The following HEYL variants were observed in gnomAD, a reference collection of about 807,000 sequenced individuals.
HEYL encodes the protein hes related family bHLH transcription factor with YRPW motif like.
HEYL carries 12 observed loss-of-function variants against 18.6 expected under a neutral mutation model. The ratio of observed to expected loss-of-function variants is 0.65; its 90% confidence interval spans 0.41 to 1.05. HEYL has a LOEUF of 1.05. HEYL is among the 50% of genes least tolerant of loss of function. The probability of loss-of-function intolerance (pLI) is 0.00; values close to 1 mark genes in which losing one functional copy is unlikely to be tolerated. For missense variants in HEYL, 420 were observed against 444.7 expected (o/e 0.94, Z 0.50); for synonymous variants, 159 against 179.6 (o/e 0.89, Z 0.91).
At chr1:39,632,302 G>GA (rs1350002390) in intron 2 of HEYL, among the ~76,000 whole-genome samples, 2 of 152,270 alleles carry the variant, frequency 1.3e-5, no homozygotes, top group African/African-American at 4.8e-5. Flanking sequence ...TGAGGGGGAT[G>GA]AAAGTTCTGG....
At chr1:39,636,065 C>A (rs1646361163) in intron 1 of HEYL, among the ~76,000 whole-genome samples, 1 of 152,188 alleles carries the variant, frequency 6.6e-6, no homozygotes, top group African/African-American at 2.4e-5. Flanking sequence ...GGAACTCCCC[C>A]GTGGAACCCT....
At position 39,627,025 on chromosome 1, in the gene HEYL, C is replaced by T. The variant is rs139355861; in HGVS notation, c.469G>A (p.Ala157Thr). 9.3e-6 allele frequency: 15 copies of T among 1,614,128 alleles called. No individual in the cohort carries two copies. Among genetic ancestry groups the T allele is most frequent in the Admixed American group, 3.3e-5 (2 of 60,030 alleles). Reference sequence around the variant, plus strand: ...GTGGGCGAAGGCTCCATCTCGGCTGCGTAGCTGTTGAGGTGGGAGAGAAGG... The same window carrying T: ...GTGGGCGAAGGCTCCATCTCGGCTGTGTAGCTGTTGAGGTGGGAGAGAAGG... ...IRLLSHLNSY[A>T]AEMEPSPTPT... The change falls in exon 5 of 5, where the codon GCA becomes ACA. Residue 157 changes from alanine to threonine, a missense_variant. Ala to Thr is a moderately conservative substitution (Grantham distance 58). Transcript: ENST00000372852.
rs757597602 is a variant in HEYL, at chr1:39,627,085, C to T, written c.409G>A (p.Gly137Arg). 1.9e-6 allele frequency: 3 copies of T among 1,614,042 alleles called. No individual in the cohort carries two copies. The highest frequency in any genetic ancestry group is 2.5e-6 in the Non-Finnish European group (3 of 1,180,012). Residue 137 changes from glycine (G) to arginine (R), a missense_variant, in exon 5 of 5, where the codon GGG (glycine) becomes AGG (arginine). Gly to Arg is a moderately radical substitution (Grantham distance 125). Coordinates refer to ENST00000372852, the MANE Select transcript of HEYL (RefSeq NM_014571.4). ...EVIRYLGVLE[G>R]PSSRADPVRI... Reference sequence around the variant, plus strand: ...ACGGGGTCTGCACGGCTGCTGGGCCCTTCAAGGACCCCCAGGTACCTGATG... The same window carrying T: ...ACGGGGTCTGCACGGCTGCTGGGCCTTTCAAGGACCCCCAGGTACCTGATG...
At chr1:39,630,403 T>TC in intron 3 of HEYL, 95 bp from the exon 4 acceptor site, 1 of 963,114 alleles carries the variant, frequency 1.0e-6, no homozygotes, top group Non-Finnish European at 1.7e-6. Flanking sequence ...CTCACCTTCC[T>TC]CCCACTCCAC....
intron 4 of HEYL, among the ~76,000 whole-genome samples, chr1:39,627,793 G>A (rs184844035): frequency 1.1e-4 from 17 of 152,326 alleles, no homozygotes; most frequent in East Asian, 3.9e-4. Context: ...AGTGCCTACC[G>A]TATAGAGTTA....
At chr1:39,635,240 A>G (rs1148942) in intron 1 of HEYL, among the ~76,000 whole-genome samples, 32,130 of 152,252 alleles carry the variant, frequency 0.21, 3,735 homozygotes, top group South Asian at 0.42. Flanking sequence ...CAGGGCTTGT[A>G]AGGCCAGATC....
chr1:39,632,981 G>A, intron 1 of HEYL: 2 of 979,236 alleles, frequency 2.0e-6, no homozygotes, highest in Non-Finnish European at 2.4e-6. Context: ...GGGGAACCGC[G>A]TACCGCGGCG....
At chr1:39,631,358 C>A in intron 3 of HEYL, 138 bp downstream of exon 3, 1 of 705,206 alleles carries the variant, frequency 1.4e-6, no homozygotes, top group Admixed American at 2.2e-5. Flanking sequence ...TCCTTTTACC[C>A]TGGCCAGTGA....
chr1:39,629,630 C>A (rs565578468), intron 4 of HEYL, among the ~76,000 whole-genome samples: 2 of 152,326 alleles, frequency 1.3e-5, no homozygotes, highest in South Asian at 4.1e-4. Flanking sequence ...TTTGAAATCA[C>A]CAAATACACA....
chr1:39,631,658 T>C (rs1157241117), intron 2 of HEYL, 79 bp from the exon 3 acceptor site: 3 of 1,104,840 alleles, frequency 2.7e-6, no homozygotes, highest in Admixed American at 3.5e-5. Flanking sequence ...TCAACTCATA[T>C]TTACCCACAC....
chr1:39,634,146 A>C (rs182704043), intron 1 of HEYL, among the ~76,000 whole-genome samples: 46 of 152,152 alleles, frequency 3.0e-4, no homozygotes, highest in African/African-American at 1.0e-3. Flanking sequence ...CCCAGGCTGG[A>C]GTGCACTGGC....
chr1:39,639,369 G>C (rs1236158782), intron 1 of HEYL, among the ~76,000 whole-genome samples, 177 bp downstream of exon 1: 1 of 152,138 alleles, frequency 6.6e-6, no homozygotes, highest in Non-Finnish European at 1.5e-5. Flanking sequence ...CCAGGCACTC[G>C]TGCGTGTAAC....
chr1:39,627,897 G>A (rs1646309768), intron 4 of HEYL, among the ~76,000 whole-genome samples: 1 of 152,220 alleles, frequency 6.6e-6, no homozygotes, highest in East Asian at 1.9e-4. Flanking sequence ...TGGCATCTGA[G>A]TTTGTCCCTT....
At position 39,624,672 on chromosome 1, in the gene HEYL, C is replaced by G. The variant is rs559005718; in HGVS notation, c.*1835G>C. The stretch of plus-strand genomic sequence containing the variant: ...TTCTGTCTTCCTTCTACCACAGTCT[C>G]CCCTCTGCCTCCCTCCGGAGCACTC... On this transcript the variant is annotated 3_prime_UTR_variant, in exon 5 of 5. Transcript: ENST00000372852. 1 of 152,514 alleles carries G rather than the reference C, an allele frequency of 6.6e-6. No homozygotes were observed. The highest frequency in any genetic ancestry group is 1.9e-4 in the East Asian group (1 of 5,192). 9.4% of individuals were successfully genotyped at this position (152,514 alleles called of 1,614,324 possible). A position where few individuals can be genotyped will look rare whatever the true frequency, so the allele number is the denominator to read the frequency against.
chr1:39,639,142 G>A (rs784622), intron 1 of HEYL, among the ~76,000 whole-genome samples: 129,118 of 152,208 alleles, frequency 0.85, 55,069 homozygotes, highest in Non-Finnish European at 0.87. Context: ...ATTGGGAAAG[G>A]ATGGGGTTAC....
chr1:39,627,652 G>A (rs926746984), intron 4 of HEYL, among the ~76,000 whole-genome samples: 9 of 152,210 alleles, frequency 5.9e-5, no homozygotes, highest in Non-Finnish European at 1.3e-4. Context: ...GCAGTGAAGT[G>A]TGAGGTCGTC....
chr1:39,623,970 G>C lies in HEYL; in HGVS notation c.*2537C>G, dbSNP rs559065410. On this transcript the variant is annotated 3_prime_UTR_variant, in exon 5 of 5. Coordinates refer to ENST00000372852, the MANE Select transcript of HEYL (RefSeq NM_014571.4). ...TTTCAAACTAAAGATGATACGATATGACCTGCAGCTTTCAATTTCTCTCTG... is the reference window on the plus strand; with the variant it reads ...TTTCAAACTAAAGATGATACGATATCACCTGCAGCTTTCAATTTCTCTCTG... 6.6e-6 allele frequency among the ~76,000 whole-genome samples: 1 copy of C among 152,220 alleles called. No homozygotes were observed.
At chr1:39,629,460 A>G (rs1646320177) in intron 4 of HEYL, among the ~76,000 whole-genome samples, 1 of 152,178 alleles carries the variant, frequency 6.6e-6, no homozygotes, top group African/African-American at 2.4e-5. Context: ...ATGACTCCTG[A>G]TTCTGCCTGC....
chr1:39,629,779 G>A (rs1646322182), intron 4 of HEYL, among the ~76,000 whole-genome samples: 1 of 152,174 alleles, frequency 6.6e-6, no homozygotes. Context: ...GAGACCTGTG[G>A]TGAGCATGAT....
Sources: gnomAD v4.1 joint callset for allele counts (sites outside exome capture counted in the v4.1 genomes callset) on GRCh38, gnomAD v4.1.1 for gene constraint, MANE v1.5 for transcripts, NCBI Gene and HGNC (gene_info 2026-07-23, HGNC 2026-07-21) for gene names.